The following CCDC178 variants were observed in gnomAD, a reference collection of about 807,000 sequenced individuals.
The protein encoded by CCDC178 is coiled-coil domain-containing protein 178.
In CCDC178, 126 loss-of-function variants were observed where a neutral mutation model predicts 117.4. That is an observed-to-expected ratio of 1.07 (90% CI 0.93 to 1.24). CCDC178 has a LOEUF of 1.24. Ranked by LOEUF, CCDC178 falls within the 50% of genes most tolerant of loss-of-function variation. The probability of loss-of-function intolerance (pLI) is 0.00; values close to 1 mark genes in which losing one functional copy is unlikely to be tolerated. For missense variants in CCDC178, 1,030 were observed against 986.9 expected (o/e 1.04, Z -0.59); for synonymous variants, 283 against 313.4 (o/e 0.90, Z 1.02).
chr18:33,064,150 GA>G (rs2144972157), intron 21 of CCDC178, among the ~76,000 whole-genome samples: 1 of 152,262 alleles, frequency 6.6e-6, no homozygotes, highest in African/African-American at 2.4e-5. Flanking sequence ...AAAAAGCAAG[GA>G]AAATGACACT....
At chr18:33,349,258 T>C (rs776557707) in intron 7 of CCDC178, among the ~76,000 whole-genome samples, 4 of 151,888 alleles carry the variant, frequency 2.6e-5, no homozygotes, top group Non-Finnish European at 4.4e-5. Context: ...TCCTAGAAAG[T>C]GTTTCTGTAA....
chr18:32,941,526 A>C (rs1256288804), intron 22 of CCDC178, among the ~76,000 whole-genome samples: 2 of 152,166 alleles, frequency 1.3e-5, no homozygotes, highest in Non-Finnish European at 2.9e-5. Flanking sequence ...TTTATTAGAG[A>C]TTTTATTACT....
intron 11 of CCDC178, among the ~76,000 whole-genome samples, chr18:33,297,678 A>T (rs540311718): frequency 1.3e-5 from 2 of 152,326 alleles, no homozygotes; most frequent in South Asian, 4.1e-4. Flanking sequence ...TGACTCAGTT[A>T]CAAAAAGTCT....
chr18:33,039,407 T>A (rs532236997), intron 21 of CCDC178, among the ~76,000 whole-genome samples: 2 of 151,990 alleles, frequency 1.3e-5, no homozygotes, highest in East Asian at 3.9e-4. Flanking sequence ...AGACTGAAAA[T>A]CACAATTTAT....
rs77119217 is a variant in CCDC178 at position 33,353,934 on chromosome 18, A to C, written c.371+2390T>G. On this transcript the variant is annotated intron_variant, in intron 7 of 22. Coordinates refer to ENST00000383096, the MANE Select transcript of CCDC178 (RefSeq NM_001105528.4). ...TTACTCTCTAGTGTCGTTTCATTTC[A>C]GCCTGAAAGACTACTTATAGGATTT... 6.1e-3 allele frequency among the ~76,000 whole-genome samples: 933 copies of C among 152,296 alleles called. 8 individuals are homozygous for C. Among genetic ancestry groups the C allele is most frequent in the African/African-American group, 0.02 (838 of 41,560 alleles).
intron 5 of CCDC178, among the ~76,000 whole-genome samples, chr18:33,387,577 C>T (rs2144814346): frequency 6.6e-6 from 1 of 152,278 alleles, no homozygotes; most frequent in South Asian, 2.1e-4. Flanking sequence ...ACCATCTGAT[C>T]TTCGACAAAC....
At chr18:33,323,470 G>T in intron 11 of CCDC178, 21 bp downstream of exon 11, 2 of 1,409,206 alleles carry the variant, frequency 1.4e-6, no homozygotes, top group South Asian at 1.8e-5. Context: ...GCTATAATTA[G>T]TGTTTGCGAA....
At chr18:33,012,845 C>T (rs932610458) in intron 21 of CCDC178, among the ~76,000 whole-genome samples, 1 of 152,144 alleles carries the variant, frequency 6.6e-6, no homozygotes, top group African/African-American at 2.4e-5. Flanking sequence ...ATGATTGAGT[C>T]CAGCAGCAGC....
intron 21 of CCDC178, among the ~76,000 whole-genome samples, chr18:32,989,039 GAC>G (rs2055332420): frequency 6.6e-6 from 1 of 152,030 alleles, no homozygotes; most frequent in Non-Finnish European, 1.5e-5. Context: ...AAGTTTTAAA[GAC>G]ACAGTTTCTT....
intron 21 of CCDC178, among the ~76,000 whole-genome samples, chr18:33,050,147 A>G (rs2056722513): frequency 6.6e-6 from 1 of 152,116 alleles, no homozygotes; most frequent in African/African-American, 2.4e-5. Context: ...TATTTGTTTA[A>G]TTTGTACTTT....
At chr18:33,201,608 T>A (rs2058989640) in intron 20 of CCDC178, among the ~76,000 whole-genome samples, 1 of 152,030 alleles carries the variant, frequency 6.6e-6, no homozygotes, top group Non-Finnish European at 1.5e-5. Flanking sequence ...GGCTCTGATG[T>A]CTTTGATGTG....
At position 32,981,184 on chromosome 18, in the gene CCDC178, A is replaced by T. The variant is rs1472255393; in HGVS notation, c.2389-6503T>A. ...CATAGTTAGACTCTGTCTCTAAAAAAATAAAATAAAATAAACACATTAAAA... is the reference window on the plus strand; with the variant it reads ...CATAGTTAGACTCTGTCTCTAAAAATATAAAATAAAATAAACACATTAAAA... On this transcript the variant is annotated intron_variant, in intron 21 of 22. Transcript: ENST00000383096. 3.3e-5 allele frequency among the ~76,000 whole-genome samples: 5 copies of T among 152,300 alleles called. No homozygotes were observed. The East Asian group carries it at 7.7e-4, about 24-fold the overall frequency.
intron 2 of CCDC178, among the ~76,000 whole-genome samples, chr18:33,423,878 TG>T (rs35355481): frequency 1.3e-5 from 2 of 152,238 alleles, no homozygotes; most frequent in Non-Finnish European, 2.9e-5. Context: ...AAGTCAATGA[TG>T]GTAAGTGCCA....
intron 9 of CCDC178, among the ~76,000 whole-genome samples, chr18:33,338,411 C>T (rs1351251428): frequency 6.6e-6 from 1 of 151,892 alleles, no homozygotes; most frequent in African/African-American, 2.4e-5. Flanking sequence ...AGGTATCTAC[C>T]CAGAGGAAAA....
chr18:33,132,996 AC>A lies in CCDC178; in HGVS notation c.2239-40087del, dbSNP rs1455322215. On this transcript the variant is annotated intron_variant, in intron 20 of 22. Coordinates refer to ENST00000383096, the MANE Select transcript of CCDC178 (RefSeq NM_001105528.4). ...TATACAAGATTCTATTTTAAGTCTA[AC>A]CTTATTAAAAAATAAAAACAACATT... is the stretch of plus-strand genomic sequence containing the variant. Among the ~76,000 whole-genome samples, 5 of 151,950 alleles carry A rather than the reference AC, an allele frequency of 3.3e-5. No individual in the cohort carries two copies. The East Asian group carries it at 9.6e-4, about 29-fold the overall frequency.
intron 12 of CCDC178, among the ~76,000 whole-genome samples, chr18:33,286,136 G>A (rs747133508): frequency 6.6e-6 from 1 of 151,334 alleles, no homozygotes; most frequent in Non-Finnish European, 1.5e-5. Flanking sequence ...ACCACACTGG[G>A]CTAATTTTTG....
intron 18 of CCDC178, among the ~76,000 whole-genome samples, chr18:33,218,347 A>G (rs752214787): frequency 1.3e-5 from 2 of 152,170 alleles, no homozygotes; most frequent in Non-Finnish European, 2.9e-5. Context: ...GATTCTGGAT[A>G]TTAGCCCTTT....
intron 20 of CCDC178, among the ~76,000 whole-genome samples, chr18:33,187,454 A>G (rs747349827): frequency 3.9e-5 from 6 of 152,062 alleles, no homozygotes; most frequent in Non-Finnish European, 5.9e-5. Context: ...CCCTTCAGAG[A>G]AATACTGACC....
intron 7 of CCDC178, among the ~76,000 whole-genome samples, chr18:33,355,797 C>T (rs1300628742): frequency 5.3e-5 from 8 of 152,160 alleles, no homozygotes; most frequent in African/African-American, 1.9e-4. Context: ...CCAAGTCAAG[C>T]AAAGTCCTTA....
Sources: allele counts gnomAD v4.1 joint callset (sites outside exome capture counted in the v4.1 genomes callset), GRCh38; gene constraint gnomAD v4.1.1; transcripts MANE v1.5; gene names NCBI Gene and HGNC (gene_info 2026-07-23, HGNC 2026-07-21).